The following ATRX variants were observed in gnomAD, a reference collection of about 807,000 sequenced individuals.
ATRX encodes ATRX chromatin remodeler.
A neutral mutation model predicts 172.6 loss-of-function variants in ATRX; 12 were observed. The observed-to-expected ratio is 0.07, with a 90% CI of 0.04 to 0.11. The LOEUF is 0.11. ATRX is among the 10% of genes least tolerant of loss of function. The pLI, the probability that ATRX is intolerant of heterozygous loss-of-function variation, is 1.00. For synonymous variants in ATRX, 674 were observed against 594.7 expected (o/e 1.13, Z -1.94); for missense variants, 1,368 against 1,767.4 (o/e 0.77, Z 4.05).
chrX:77,724,717 T>C (rs934363624), intron 1 of ATRX, among the ~76,000 whole-genome samples: 1 of 111,518 alleles, frequency 9.0e-6, no homozygotes, highest in African/African-American at 3.3e-5. Context: ...AAAATGAGAG[T>C]TCCCAACATA....
intron 30 of ATRX, among the ~76,000 whole-genome samples, chrX:77,529,494 G>C (rs1193383521): frequency 1.8e-5 from 2 of 111,051 alleles, no homozygotes; most frequent in Admixed American, 1.9e-4. Flanking sequence ...AGAGATTAGG[G>C]GCCAATATTC....
At chrX:77,603,458 C>T (rs1316839881) in intron 22 of ATRX, among the ~76,000 whole-genome samples, 1 of 109,233 alleles carries the variant, frequency 9.2e-6, no homozygotes. Context: ...CTCCGCCTCC[C>T]GGGTTCAAGC....
rs556792243 is a variant in ATRX, at chrX:77,692,913, G to A, written c.484+911C>T. ...TGTGTTTTAATTTTTTTGAGACAGG[G>A]TCTCACTCTGTCATCCAGGCTGCAG... On this transcript the variant is annotated intron_variant, in intron 6 of 34. Transcript: ENST00000373344. Among the ~76,000 whole-genome samples the A allele has an allele frequency of 2.8e-5, 3 of 106,819 alleles. No homozygotes were observed. The South Asian group carries it at 1.3e-3, about 46-fold the overall frequency. 92.8% of individuals were successfully genotyped at this position (106,819 alleles called of 115,157 possible).
chrX:77,701,781 G>C (rs1226463894), intron 2 of ATRX, among the ~76,000 whole-genome samples: 11 of 111,531 alleles, frequency 9.9e-5, no homozygotes, highest in Admixed American at 3.8e-4. Flanking sequence ...ATTCCTATTA[G>C]AGGGCCAGGC....
chrX:77,733,717 A>AT (rs2074405276), intron 1 of ATRX, among the ~76,000 whole-genome samples: 1 of 102,217 alleles, frequency 9.8e-6, no homozygotes, highest in African/African-American at 3.5e-5. Context: ...AAAAAAAAAA[A>AT]AAAAAAAAAA....
At chrX:77,571,966 G>A (rs918454619) in intron 28 of ATRX, among the ~76,000 whole-genome samples, 1 of 111,488 alleles carries the variant, frequency 9.0e-6, no homozygotes, top group African/African-American at 3.3e-5. Flanking sequence ...GCATAAACAA[G>A]GATTATATTT....
chrX:77,641,140 CT>C (rs2068633332), intron 15 of ATRX, among the ~76,000 whole-genome samples: 1 of 111,101 alleles, frequency 9.0e-6, no homozygotes, highest in South Asian at 3.7e-4. Context: ...TTAAACTGAA[CT>C]TTTTAATAAA....
At chrX:77,767,534 T>TA (rs376114294) in intron 1 of ATRX, among the ~76,000 whole-genome samples, 79 of 109,936 alleles carry the variant, frequency 7.2e-4, no homozygotes, top group African/African-American at 1.5e-3. Flanking sequence ...TAGCTGGAAT[T>TA]ATAGGCACCC....
At chrX:77,577,203 C>T (rs1161222475) in intron 27 of ATRX, among the ~76,000 whole-genome samples, 1 of 111,462 alleles carries the variant, frequency 9.0e-6, no homozygotes, top group African/African-American at 3.3e-5. Flanking sequence ...ACACTGTTTT[C>T]CACAGCAGCT....
chrX:77,767,481 C>A (rs1335525284), intron 1 of ATRX, among the ~76,000 whole-genome samples: 2 of 109,907 alleles, frequency 1.8e-5, no homozygotes, highest in Non-Finnish European at 3.8e-5. Context: ...CTGCAACCTC[C>A]GACTCCTGGG....
chrX:77,608,914 T>C (rs1254147415), intron 22 of ATRX, among the ~76,000 whole-genome samples: 1 of 111,627 alleles, frequency 9.0e-6, no homozygotes, highest in South Asian at 3.7e-4. Context: ...AACAACCTAA[T>C]TAAAAAATTG....
In ATRX at chrX:77,589,826, T is replaced by C; in HGVS notation, c.6217+8A>G. 1 of 1,161,523 alleles carries C rather than the reference T, an allele frequency of 8.6e-7. No homozygotes were observed. The highest frequency in any genetic ancestry group is 1.2e-6 in the Non-Finnish European group (1 of 850,901). ...TAAAATTACGACACAGAAATATTTG[T>C]AGCTCACCTTTATAAATAAGGGGTT... On this transcript the variant is annotated splice_region_variant and intron_variant, in intron 27 of 34. Coordinates refer to ENST00000373344, the MANE Select transcript of ATRX (RefSeq NM_000489.6).
chrX:77,683,582 A>T lies in ATRX; in HGVS notation c.1674T>A (p.Ser558Arg), dbSNP rs1569539199. 1.7e-6 allele frequency: 2 copies of T among 1,210,654 alleles called. No homozygotes were observed. Among genetic ancestry groups the T allele is most frequent in the Non-Finnish European group, 2.2e-6 (2 of 894,998 alleles). Residue 558 changes from serine to arginine, a missense_variant, in exon 9 of 35, where the codon AGT becomes AGA. Ser to Arg is a moderately radical substitution (Grantham distance 110). Around this residue, in one of 17 missense-constraint regions of ATRX, gnomAD observed 843 missense variants for 643.1 expected, o/e 1.31. Transcript: ENST00000373344. ...GSSGTEQEVESSSVKLNISSK... is the reference protein window; with the variant it reads ...GSSGTEQEVERSSVKLNISSK... The stretch of plus-strand genomic sequence containing the variant: ...AAGAAATATTTAATTTTACAGATGA[A>T]CTCTCCACTTCTTGTTCAGTTCCAC...
At chrX:77,744,662 T>A (rs781863909) in intron 1 of ATRX, among the ~76,000 whole-genome samples, 1 of 110,777 alleles carries the variant, frequency 9.0e-6, no homozygotes, top group South Asian at 3.8e-4. Context: ...ATTCAAGATA[T>A]GAATAAGAAA....
chrX:77,622,756 CT>C (rs1234536719), intron 19 of ATRX, among the ~76,000 whole-genome samples: 1 of 110,717 alleles, frequency 9.0e-6, no homozygotes, highest in Non-Finnish European at 1.9e-5. Flanking sequence ...CTCAAACACA[CT>C]CGGGGCTGTT....
chrX:77,513,487 T>C (rs957488181), intron 34 of ATRX, among the ~76,000 whole-genome samples: 5 of 109,081 alleles, frequency 4.6e-5, no homozygotes, highest in African/African-American at 1.0e-4. Flanking sequence ...AGAAGCTTGG[T>C]TGGAGGAGGA....
At chrX:77,574,715 C>T (rs183420237) in intron 27 of ATRX, among the ~76,000 whole-genome samples, 15 of 111,570 alleles carry the variant, frequency 1.3e-4, no homozygotes, top group Non-Finnish European at 2.6e-4. Context: ...TAAATGGCCA[C>T]GTTTTTCTCC....
chrX:77,677,077 G>A (rs1317954395), intron 9 of ATRX, among the ~76,000 whole-genome samples: 3 of 105,903 alleles, frequency 2.8e-5, no homozygotes, highest in South Asian at 4.3e-4. Context: ...AGCCAAGATC[G>A]CACCACGGCA....
chrX:77,668,701 T>C (rs1557127703), intron 10 of ATRX, among the ~76,000 whole-genome samples: 1 of 110,393 alleles, frequency 9.1e-6, no homozygotes, highest in African/African-American at 3.3e-5. Flanking sequence ...AGAAAATAAA[T>C]AGGACCCCAA....
Sources: allele counts gnomAD v4.1 joint callset (sites outside exome capture counted in the v4.1 genomes callset), GRCh38; gene constraint gnomAD v4.1.1; regional missense constraint gnomAD v4.1.1; transcripts MANE v1.5; gene names NCBI Gene and HGNC (gene_info 2026-07-23, HGNC 2026-07-21).